CD209: variants seen among roughly 807,000 people sequenced by gnomAD.
CD209 encodes CD209 molecule, also known as CD209 antigen.
Under a neutral mutation model 44.7 loss-of-function variants are expected in CD209, and 31 were observed. That is an observed-to-expected ratio of 0.69 (90% confidence interval 0.52 to 0.94). CD209 has a LOEUF of 0.94. Among genes scored for constraint, CD209 ranks in the 40% least tolerant of loss-of-function variants. The probability of loss-of-function intolerance (pLI) is 0.00; values close to 1 mark genes in which losing one functional copy is unlikely to be tolerated. For synonymous variants in CD209, 173 were observed against 181.3 expected (o/e 0.95, Z 0.37); for missense variants, 407 against 452.4 (o/e 0.90, Z 0.91).
At position 7,741,519 on chromosome 19, in the gene CD209, G is replaced by T; in HGVS notation, c.*1520C>A. On this transcript the variant is annotated 3_prime_UTR_variant, in exon 7 of 7. Transcript: ENST00000315599. ...AAAAAAATAGTAATTAAAAAATAAC[G>T]TGGGGAGAGTGATTCAGTTCAAGGT... is the stretch of plus-strand genomic sequence containing the variant. The T allele has an allele frequency of 3.4e-6, 2 of 581,810 alleles. No homozygotes were observed. The highest frequency in any genetic ancestry group is 6.7e-6 in the Non-Finnish European group (2 of 299,490). The allele number at this position is 581,810 out of a possible 1,614,324, so 36.0% of individuals were successfully genotyped here.
In CD209 at chr19:7,743,273, C is replaced by A. The variant is rs11465392; in HGVS notation, c.1014-33G>T. On this transcript the variant is annotated intron_variant, in intron 6 of 6. Coordinates refer to ENST00000315599, the MANE Select transcript of CD209 (RefSeq NM_021155.4). ...GCCCATGCGGAATGTGAGCCTCTGT[C>A]CCCGCCAGCTACATGAGCTGTGTTT... 3,174 of 1,575,108 alleles carry A rather than the reference C, an allele frequency of 2.0e-3. 55 individuals carry two copies. In the African/African-American group the frequency reaches 0.036, roughly 18 times the overall value.
intron 6 of CD209, 130 bp downstream of exon 6, chr19:7,743,977 T>G: frequency 1.4e-6 from 1 of 736,120 alleles, no homozygotes. Context: ...ACCACCTTCC[T>G]CAACTCAGTA....
chr19:7,745,945 C>T lies in CD209; in HGVS notation c.321G>A (p.Leu107=), dbSNP rs1375735496. ...LQEIYQELTQ[L]KAAVGELPEK... ...CTGGAAGCTCACCCACTGCAGCCTT[C>T]AGCTGGGTCAGCTCCTGGTAGATCT... Residue 107 remains leucine (L), a synonymous_variant, in exon 4 of 7, where the codon CTG becomes CTA. Coordinates refer to ENST00000315599, the MANE Select transcript of CD209 (RefSeq NM_021155.4). 6.2e-7 allele frequency: 1 copy of T among 1,614,012 alleles called. No homozygotes were observed. The highest frequency in any genetic ancestry group is 8.5e-7 in the Non-Finnish European group (1 of 1,180,010).
In CD209 at chr19:7,745,530, T is replaced by C; in HGVS notation, c.736A>G (p.Lys246Glu). ...TCCAGATACTCACCCACTGCAGCCT[T>C]CAGCTGGGTCAGCTCCTGGTAGATC... is the stretch of plus-strand genomic sequence containing the variant. ...QEIYQELTQL[K>E]AAVERLCHPC... The change falls in exon 4 of 7, where the codon AAG (lysine) becomes GAG (glutamate). Residue 246 changes from lysine (K) to glutamate (E), a missense_variant. This residue lies in a region of CD209 where 200 missense variants were observed against 202.2 expected (regional missense o/e 0.99). Transcript: ENST00000315599. The C allele has an allele frequency of 1.9e-6, 3 of 1,612,120 alleles. No individual in the cohort carries two copies. Among genetic ancestry groups the C allele is most frequent in the Non-Finnish European group, 2.5e-6 (3 of 1,179,836 alleles).
At chr19:7,747,243 C>T in intron 2 of CD209, 63 bp downstream of exon 2, 1 of 1,558,156 alleles carries the variant, frequency 6.4e-7, no homozygotes. Context: ...GCGTCCAGCT[C>T]CTCAGGACCC....
rs367767330 is a variant in CD209 at position 7,740,915 on chromosome 19, C to T, written c.*2124G>A. The T allele has an allele frequency of 4.1e-6, 3 of 729,668 alleles. No homozygotes were observed. The Admixed American group carries it at 6.1e-5, about 15-fold the overall frequency. The allele number at this position is 729,668 out of a possible 1,614,324, so 45.2% of individuals were successfully genotyped here. A position where few individuals can be genotyped will look rare whatever the true frequency, so the allele number is the denominator to read the frequency against. The stretch of plus-strand genomic sequence containing the variant: ...CCACATGGCAAAACCCGGAACCCCC[C>T]CTTGGATTTCAGAGTCATGGAGAAG... On this transcript the variant is annotated 3_prime_UTR_variant, in exon 7 of 7. Transcript: ENST00000315599.
Position 7,742,811 on chromosome 19 carries a change from C to T in CD209, c.*228G>A, listed in dbSNP as rs1326817885. 2.8e-5 allele frequency: 16 copies of T among 581,718 alleles called. 1 individual carries two copies. The South Asian group carries it at 3.4e-4, about 13-fold the overall frequency. The allele number at this position is 581,718 out of a possible 1,614,324, so 36.0% of individuals were successfully genotyped here. A position where few individuals can be genotyped will look rare whatever the true frequency, so the allele number is the denominator to read the frequency against. ...AGGAAGAGAGAGTGGATTCTTGGAA[C>T]ACAAGTCCACCCCCAAAGGCATCCC... On this transcript the variant is annotated 3_prime_UTR_variant, in exon 7 of 7. Transcript: ENST00000315599.
In CD209 at chr19:7,747,421, T is replaced by A. The variant is rs2033878282; in HGVS notation, c.46+45A>T. ...GGCAGGCTGAGGCCATGGCTGGCCATCCCTTCCCCCTTCCCAGAATCCCAG... is the reference window on the plus strand; with the variant it reads ...GGCAGGCTGAGGCCATGGCTGGCCAACCCTTCCCCCTTCCCAGAATCCCAG... On this transcript the variant is annotated intron_variant, in intron 1 of 6. Coordinates refer to ENST00000315599, the MANE Select transcript of CD209 (RefSeq NM_021155.4). 6 of 1,614,176 alleles carry A rather than the reference T, an allele frequency of 3.7e-6. No homozygotes were observed. In the East Asian group the frequency reaches 1.3e-4, roughly 36 times the overall value.
intron 4 of CD209, among the ~76,000 whole-genome samples, 163 bp from the exon 5 acceptor site, chr19:7,745,255 G>A (rs936125143): frequency 6.6e-6 from 1 of 152,064 alleles, no homozygotes; most frequent in Non-Finnish European, 1.5e-5. Flanking sequence ...ATCCCCATGA[G>A]AACCCAGGAG....
intron 2 of CD209, among the ~76,000 whole-genome samples, chr19:7,746,886 T>G (rs1159495262): frequency 9.2e-6 from 1 of 109,142 alleles, no homozygotes; most frequent in African/African-American, 3.7e-5. Context: ...CAGGTCCCAG[T>G]AACCCAGGTA....
At chr19:7,743,450 T>A (rs1174239708) in intron 6 of CD209, among the ~76,000 whole-genome samples, 1 of 151,616 alleles carries the variant, frequency 6.6e-6, no homozygotes, top group Non-Finnish European at 1.5e-5. Context: ...CTCCACCTAT[T>A]GAGTGTGTGA....
Position 7,747,516 on chromosome 19 carries a change from C to T in CD209, c.-5G>A, listed in dbSNP as rs775207483. ...TGGTTCCTTGGAGTCACTCATGTCA[C>T]CCCACTCTCCCCCAGTGTCCAGAAC... On this transcript the variant is annotated 5_prime_UTR_variant, in exon 1 of 7. In the 5' UTR this introduces an upstream ATG that the reference lacks. Coordinates refer to ENST00000315599, the MANE Select transcript of CD209 (RefSeq NM_021155.4). 30 of 1,613,982 alleles carry T rather than the reference C, an allele frequency of 1.9e-5. No homozygotes were observed.
chr19:7,740,467 C>A lies in CD209; in HGVS notation c.*2572G>T, dbSNP rs1050441868. On this transcript the variant is annotated 3_prime_UTR_variant, in exon 7 of 7. Coordinates refer to ENST00000315599, the MANE Select transcript of CD209 (RefSeq NM_021155.4). ...GGCGGTGCCGGCAAGATGGCTGCGC[C>A]CGAAAAGGTGACATTTCCAGAGAAA... The A allele has an allele frequency of 4.9e-5, 41 of 829,682 alleles. No individual in the cohort carries two copies. Among genetic ancestry groups the A allele is most frequent in the South Asian group, 4.8e-4 (35 of 72,802 alleles). The allele number at this position is 829,682 out of a possible 1,614,324, so 51.4% of individuals were successfully genotyped here. A position where few individuals can be genotyped will look rare whatever the true frequency, so the allele number is the denominator to read the frequency against.
intron 5 of CD209, among the ~76,000 whole-genome samples, 196 bp downstream of exon 5, chr19:7,744,745 C>A (rs17159889): frequency 5.3e-5 from 8 of 152,170 alleles, no homozygotes; most frequent in Admixed American, 2.6e-4. Flanking sequence ...TGTTTTTTTC[C>A]GGAGCATTCA....
rs777362632 is a variant in CD209 at position 7,746,048 on chromosome 19, C to T, written c.218G>A (p.Arg73Lys). The change falls in exon 4 of 7, where the codon AGG (arginine) becomes AAG (lysine). Residue 73 changes from arginine (R) to lysine (K), a missense_variant. Physicochemically the swap from Arg to Lys is conservative, Grantham distance 26. Around this residue, in one of 3 missense-constraint regions of CD209, gnomAD observed 122 missense variants for 110.3 expected, o/e 1.11. Transcript: ENST00000315599. The stretch of plus-strand genomic sequence containing the variant: ...CAGGTTCTGGTAGATCGCGTCTTGC[C>T]TGGATTGTTCCTGACTTATGGAGCT... ...VPSSISQEQS[R>K]QDAIYQNLTQ... 23 of 1,614,238 alleles carry T rather than the reference C, an allele frequency of 1.4e-5. No homozygotes were observed. The highest frequency in any genetic ancestry group is 3.3e-4 in the Middle Eastern group (2 of 6,062).
chr19:7,744,305 T>C, intron 5 of CD209, 86 bp from the exon 6 acceptor site: 2 of 1,044,066 alleles, frequency 1.9e-6, no homozygotes, highest in East Asian at 2.4e-5. Flanking sequence ...GAAGTTCTGC[T>C]TGTAGGCTAA....
At chr19:7,746,579 T>C in intron 2 of CD209, 48 bp from the exon 3 acceptor site, 1 of 1,591,294 alleles carries the variant, frequency 6.3e-7, no homozygotes, top group Non-Finnish European at 8.6e-7. Flanking sequence ...CACCGGAGCC[T>C]GGCCCAGGGA....
chr19:7,741,901 C>T lies in CD209; in HGVS notation c.*1138G>A, dbSNP rs2033627796. 6.9e-6 allele frequency: 3 copies of T among 432,024 alleles called. No homozygotes were observed. In the Admixed American group the frequency reaches 9.2e-5, roughly 13 times the overall value. 26.8% of individuals were successfully genotyped at this position (432,024 alleles called of 1,614,324 possible). A position where few individuals can be genotyped will look rare whatever the true frequency, so the allele number is the denominator to read the frequency against. ...AGAACCCTAGTCCAGACCATTCCTA[C>T]AAAAGAAATGGGGAATCCGAAAGGA... is the stretch of plus-strand genomic sequence containing the variant. On this transcript the variant is annotated 3_prime_UTR_variant, in exon 7 of 7. Transcript: ENST00000315599.
At chr19:7,745,180 A>T (rs1272499375) in intron 4 of CD209, 88 bp from the exon 5 acceptor site, 1 of 1,537,294 alleles carries the variant, frequency 6.5e-7, no homozygotes, top group Non-Finnish European at 8.9e-7. Context: ...TGAGAGTCAG[A>T]GTCCTTCCTT....
Sources: allele counts gnomAD v4.1 joint callset (sites outside exome capture counted in the v4.1 genomes callset), GRCh38; gene constraint gnomAD v4.1.1; regional missense constraint gnomAD v4.1.1; transcripts MANE v1.5; gene names NCBI Gene and HGNC (gene_info 2026-07-23, HGNC 2026-07-21).